The following HYDIN variants were observed in gnomAD, a reference collection of about 807,000 sequenced individuals.
HYDIN encodes the protein axonemal central pair apparatus protein HYDIN.
In HYDIN, 132 loss-of-function variants were observed where a neutral mutation model predicts 403.9. The observed-to-expected ratio is 0.33, with a 90% confidence interval of 0.28 to 0.38. HYDIN has a LOEUF of 0.38. Among genes scored for constraint, HYDIN ranks in the 10% least tolerant of loss-of-function variants. HYDIN has a pLI of 1.00. For missense variants in HYDIN, 2,827 were observed against 5,009.5 expected, an observed-to-expected ratio of 0.56 and a Z score of 13.15; for synonymous variants, 1,202 against 1,891.7, an observed-to-expected ratio of 0.64 and a Z score of 9.46.
At chr16:71,149,113 G>T (rs1275202284) in intron 7 of HYDIN, among the ~76,000 whole-genome samples, 1 of 137,224 alleles carries the variant, frequency 7.3e-6, no homozygotes, top group Admixed American at 7.4e-5. Flanking sequence ...ATAAAGAATG[G>T]GCAAAAGACT....
intron 45 of HYDIN, among the ~76,000 whole-genome samples, chr16:70,921,810 TG>T (rs1181044352): frequency 3.9e-5 from 6 of 152,170 alleles, no homozygotes; most frequent in East Asian, 1.9e-4. Context: ...TGGGAACAAA[TG>T]GGGGTTTAGA....
At chr16:70,951,459 G>A (rs945111309) in intron 41 of HYDIN, among the ~76,000 whole-genome samples, 3 of 152,006 alleles carry the variant, frequency 2.0e-5, no homozygotes, top group Admixed American at 6.6e-5. Context: ...AAGCCTCCTC[G>A]TTGCTTCCCT....
Position 70,984,045 on chromosome 16 carries a change from A to G in HYDIN, c.4332+1140T>C, listed in dbSNP as rs1440979824. On this transcript the variant is annotated intron_variant, in intron 28 of 85. Coordinates refer to ENST00000393567, the MANE Select transcript of HYDIN (RefSeq NM_001270974.2). ...CAATAAAAGCAGGCATTCAAGTCAC[A>G]AAGTTAGAGAAACAAAACACAAGAG... is the stretch of plus-strand genomic sequence containing the variant. 1.4e-4 allele frequency among the ~76,000 whole-genome samples: 21 copies of G among 152,406 alleles called. No individual in the cohort carries two copies. The East Asian group carries it at 4.0e-3, about 29-fold the overall frequency.
intron 18 of HYDIN, 149 bp downstream of exon 18, chr16:71,060,355 G>C: frequency 2.9e-6 from 2 of 680,430 alleles, no homozygotes; most frequent in Non-Finnish European, 5.2e-6. Context: ...TTATAATAAA[G>C]AAGAACTGGG....
intron 42 of HYDIN, 119 bp downstream of exon 42, chr16:70,943,693 C>T: frequency 7.3e-7 from 1 of 1,377,366 alleles, no homozygotes; most frequent in East Asian, 2.5e-5. Flanking sequence ...AAGCAAACGA[C>T]TGCCTTCCGG....
intron 23 of HYDIN, among the ~76,000 whole-genome samples, chr16:71,008,378 C>T (rs147794216): frequency 3.6e-3 from 548 of 152,182 alleles, no homozygotes; most frequent in Non-Finnish European, 6.0e-3. Flanking sequence ...GGGTATTCAT[C>T]CTCACTCTCT....
chr16:71,056,148 T>TA (rs1555627084), intron 18 of HYDIN, among the ~76,000 whole-genome samples: 2 of 149,964 alleles, frequency 1.3e-5, no homozygotes, highest in African/African-American at 2.4e-5. Context: ...TTTTTTTTTT[T>TA]ACTCCTTCAA....
chr16:70,946,057 GAAGTA>G (rs2077849627), intron 41 of HYDIN, among the ~76,000 whole-genome samples: 2 of 150,534 alleles, frequency 1.3e-5, no homozygotes, highest in Admixed American at 1.3e-4. Flanking sequence ...GATGCTGACA[GAAGTA>G]GAGTAGGGGG....
intron 6 of HYDIN, among the ~76,000 whole-genome samples, chr16:71,156,495 T>A (rs1420139923): frequency 6.6e-5 from 10 of 152,180 alleles, no homozygotes; most frequent in Non-Finnish European, 1.3e-4. Context: ...TCTTCAAGGG[T>A]ATAAGGATGG....
intron 3 of HYDIN, among the ~76,000 whole-genome samples, chr16:71,183,605 AATGCCTGC>A (rs2087000263): frequency 6.6e-6 from 1 of 152,108 alleles, no homozygotes; most frequent in African/African-American, 2.4e-5. Flanking sequence ...TCATAGGGAA[AATGCCTGC>A]AAAGCTGTTA....
At chr16:70,847,479 TTAG>T in intron 75 of HYDIN, among the ~76,000 whole-genome samples, 1 of 152,158 alleles carries the variant, frequency 6.6e-6, no homozygotes, top group Non-Finnish European at 1.5e-5. Context: ...GGCCAGTCTG[TTAG>T]TGATGAATTC....
intron 41 of HYDIN, among the ~76,000 whole-genome samples, chr16:70,948,435 A>G (rs1297536706): frequency 6.6e-6 from 1 of 151,310 alleles, no homozygotes; most frequent in African/African-American, 2.4e-5. Flanking sequence ...AGCAATGGCA[A>G]CAAAAGCCAA....
chr16:70,877,853 T>C (rs1320583196), intron 62 of HYDIN, among the ~76,000 whole-genome samples: 1 of 152,090 alleles, frequency 6.6e-6, no homozygotes, highest in African/African-American at 2.4e-5. Flanking sequence ...AGTGGAATAA[T>C]ATCTCCCATT....
intron 80 of HYDIN, among the ~76,000 whole-genome samples, chr16:70,831,500 C>A (rs2036983115): frequency 8.2e-6 from 1 of 121,586 alleles, no homozygotes; most frequent in Non-Finnish European, 1.6e-5. Flanking sequence ...CAGAGTGAGA[C>A]TCTGTCTCAG....
rs566552520 is a variant in HYDIN at position 70,930,705 on chromosome 16, G to C, written c.7158+5247C>G. Among the ~76,000 whole-genome samples, 11 of 152,186 alleles carry C rather than the reference G, an allele frequency of 7.2e-5. No homozygotes were observed. The South Asian group carries it at 2.3e-3, about 32-fold the overall frequency. ...CAAACTGGAAGCAATTTGTAATTAA[G>C]GTCTAAAGAATGGAACTGACATCTT... On this transcript the variant is annotated intron_variant, in intron 45 of 85. Coordinates refer to ENST00000393567, the MANE Select transcript of HYDIN (RefSeq NM_001270974.2).
intron 72 of HYDIN, among the ~76,000 whole-genome samples, chr16:70,856,652 G>A (rs2039043774): frequency 6.6e-6 from 1 of 152,116 alleles, no homozygotes; most frequent in African/African-American, 2.4e-5. Flanking sequence ...ATCTATTGAT[G>A]TAATGATTAT....
intron 12 of HYDIN, among the ~76,000 whole-genome samples, chr16:71,082,892 T>C (rs903534924): frequency 1.3e-5 from 2 of 150,598 alleles, no homozygotes; most frequent in African/African-American, 4.9e-5. Context: ...ATTTAAAGTG[T>C]ACAAATCAAT....
At chr16:70,809,112 C>T (rs915913508) in intron 85 of HYDIN, among the ~76,000 whole-genome samples, 32 of 152,284 alleles carry the variant, frequency 2.1e-4, no homozygotes, top group Admixed American at 5.9e-4. Flanking sequence ...GATGAGGTCT[C>T]GCTATGTTGC....
intron 8 of HYDIN, among the ~76,000 whole-genome samples, chr16:71,134,205 A>C (rs1420929519): frequency 6.6e-6 from 1 of 152,222 alleles, no homozygotes; most frequent in Middle Eastern, 3.4e-3. Flanking sequence ...TATCTGTTGA[A>C]GCTATTAGCA....
Sources: gnomAD v4.1 joint callset for allele counts (sites outside exome capture counted in the v4.1 genomes callset) on GRCh38, gnomAD v4.1.1 for gene constraint, MANE v1.5 for transcripts, NCBI Gene and HGNC (gene_info 2026-07-23, HGNC 2026-07-21) for gene names.